TLN2: variants seen among roughly 807,000 people sequenced by gnomAD.
TLN2 encodes talin 2, also known as talin-2.
In TLN2, 118 loss-of-function variants were observed where a neutral mutation model predicts 294.7. The ratio of observed to expected loss-of-function variants is 0.40; its 90% confidence interval spans 0.34 to 0.47. TLN2 has a LOEUF of 0.47. Ranked by LOEUF, TLN2 falls within the 20% of genes least tolerant of loss-of-function variation. The pLI is 0.84. For synonymous variants in TLN2, 1,431 were observed against 1,304.5 expected, an observed-to-expected ratio of 1.10 and a Z score of -2.09; for missense variants, 3,083 against 3,282.2, an observed-to-expected ratio of 0.94 and a Z score of 1.48.
chr15:62,478,246 T>C (rs560516273), intron 1 of TLN2, among the ~76,000 whole-genome samples: 9 of 152,294 alleles, frequency 5.9e-5, no homozygotes, highest in African/African-American at 2.2e-4. Context: ...AGACCTCATG[T>C]GGAGTTCCTT....
chr15:62,503,395 C>G (rs1304681377), intron 1 of TLN2, among the ~76,000 whole-genome samples: 3 of 152,282 alleles, frequency 2.0e-5, no homozygotes, highest in African/African-American at 7.2e-5. Flanking sequence ...CTACCCTGAG[C>G]TCGAATCCTC....
chr15:62,580,542 C>T (rs912886643), intron 1 of TLN2, among the ~76,000 whole-genome samples: 21 of 152,164 alleles, frequency 1.4e-4, no homozygotes, highest in Non-Finnish European at 2.8e-4. Flanking sequence ...TCGCGAGTAG[C>T]CGGTACTATA....
In TLN2 at chr15:62,653,243, A is replaced by T; in HGVS notation, c.446A>T (p.Lys149Ile). 2 of 1,613,676 alleles carry T rather than the reference A, an allele frequency of 1.2e-6. No individual in the cohort carries two copies. Among genetic ancestry groups the T allele is most frequent in the Non-Finnish European group, 1.7e-6 (2 of 1,179,922 alleles). The change falls in exon 7 of 59, where the codon AAA becomes ATA. Residue 149 changes from lysine to isoleucine, a missense_variant. Physicochemically the swap from Lys to Ile is moderately radical, Grantham distance 102. Coordinates refer to ENST00000636159, the MANE Select transcript of TLN2 (RefSeq NM_015059.3). ...KKEEGTGTLK[K>I]DRTLLRDERK... is the part of the protein sequence containing the mutation. ...GAGGAAGGAACGGGCACACTCAAAA[A>T]AGACAGGACACTGTTACGAGATGAG...
At chr15:62,500,485 C>T (rs975692110) in intron 1 of TLN2, among the ~76,000 whole-genome samples, 1 of 152,194 alleles carries the variant, frequency 6.6e-6, no homozygotes, top group South Asian at 2.1e-4. Context: ...TACTGCAAAA[C>T]AAGAAGACAC....
At chr15:62,746,192 G>A (rs1390928065) in intron 32 of TLN2, among the ~76,000 whole-genome samples, 1 of 152,142 alleles carries the variant, frequency 6.6e-6, no homozygotes, top group Admixed American at 6.6e-5. Context: ...AACACAGAGA[G>A]AATTAAGCTA....
chr15:62,521,161 G>GATC (rs1483235291), intron 1 of TLN2, among the ~76,000 whole-genome samples: 2 of 152,024 alleles, frequency 1.3e-5, no homozygotes, highest in Non-Finnish European at 2.9e-5. Flanking sequence ...AGGGAAAGAG[G>GATC]ATCATAAGAA....
chr15:62,511,749 C>A (rs1201329985), intron 1 of TLN2, among the ~76,000 whole-genome samples: 1 of 152,192 alleles, frequency 6.6e-6, no homozygotes, highest in Non-Finnish European at 1.5e-5. Flanking sequence ...ATTGGTATAT[C>A]TAACTCAGGA....
In TLN2 at chr15:62,840,706, C is replaced by A. The variant is rs1427772208; in HGVS notation, c.*96C>A. ...GCTGGGCACTTAGCTGGAAACCGCC[C>A]ACCTCCCTCCCGGGTGAGCCTGGAG... On this transcript the variant is annotated 3_prime_UTR_variant, in exon 59 of 59. Transcript: ENST00000636159. 13 of 1,499,828 alleles carry A rather than the reference C, an allele frequency of 8.7e-6. No individual in the cohort carries two copies. In the African/African-American group the frequency reaches 1.4e-4, roughly 16 times the overall value. The allele number at this position is 1,499,828 out of a possible 1,614,324, so 92.9% of individuals were successfully genotyped here.
intron 1 of TLN2, among the ~76,000 whole-genome samples, chr15:62,579,082 A>C (rs375585936): frequency 4.9e-4 from 75 of 152,298 alleles, no homozygotes; most frequent in African/African-American, 1.7e-3. Context: ...TTGGGTTGAC[A>C]GGAGGAGGGA....
At chr15:62,610,029 A>G (rs577335903) in intron 2 of TLN2, among the ~76,000 whole-genome samples, 4 of 152,304 alleles carry the variant, frequency 2.6e-5, no homozygotes, top group Middle Eastern at 3.4e-3. Context: ...AATAAGACCT[A>G]CCAGACTCAT....
At chr15:62,693,799 T>C (rs923551564) in intron 13 of TLN2, among the ~76,000 whole-genome samples, 2 of 152,088 alleles carry the variant, frequency 1.3e-5, no homozygotes, top group African/African-American at 4.8e-5. Context: ...ATATATTAAA[T>C]CATATATTTC....
intron 1 of TLN2, among the ~76,000 whole-genome samples, chr15:62,444,063 T>C (rs1422870189): frequency 1.3e-5 from 2 of 152,198 alleles, no homozygotes; most frequent in Non-Finnish European, 2.9e-5. Context: ...CAAGAACCTT[T>C]ATTGAGCACC....
At chr15:62,520,539 A>G (rs2040403947) in intron 1 of TLN2, among the ~76,000 whole-genome samples, 1 of 152,196 alleles carries the variant, frequency 6.6e-6, no homozygotes, top group African/African-American at 2.4e-5. Flanking sequence ...AGGAATACAG[A>G]ATTGTGAATA....
At chr15:62,660,078 G>A (rs894097810) in intron 9 of TLN2, among the ~76,000 whole-genome samples, 9 of 152,220 alleles carry the variant, frequency 5.9e-5, no homozygotes, top group Admixed American at 2.0e-4. Context: ...ATAATGAGAA[G>A]GTTGGACTTG....
In TLN2 at chr15:62,702,946, AAACT is replaced by A. The variant is rs2058807065; in HGVS notation, c.2004+89_2004+92del. On this transcript the variant is annotated intron_variant, in intron 19 of 58. Transcript: ENST00000636159. The stretch of plus-strand genomic sequence containing the variant: ...CGAGCAGGCAGAATGTAATATTTGA[AAACT>A]AACTAAATCTTTGAGATAGTCAAGA... The A allele has an allele frequency of 3.2e-6, 4 of 1,257,388 alleles. 1 individual carries two copies. The highest frequency in any genetic ancestry group is 3.8e-4 in the Middle Eastern group (2 of 5,326). 77.9% of individuals were successfully genotyped at this position (1,257,388 alleles called of 1,614,324 possible).
chr15:62,651,908 CTGAT>C, intron 5 of TLN2, 93 bp from the exon 6 acceptor site: 1 of 1,374,934 alleles, frequency 7.3e-7, no homozygotes, highest in East Asian at 2.4e-5. Flanking sequence ...AGAGTCTACT[CTGAT>C]TTTTTTAAAA....
intron 1 of TLN2, among the ~76,000 whole-genome samples, chr15:62,432,020 A>G (rs1455694564): frequency 6.6e-6 from 1 of 152,170 alleles, no homozygotes; most frequent in African/African-American, 2.4e-5. Context: ...TAGCTCCTGA[A>G]TGCAGACAAC....
intron 2 of TLN2, among the ~76,000 whole-genome samples, chr15:62,601,072 T>C (rs2046962687): frequency 6.6e-6 from 1 of 152,240 alleles, no homozygotes; most frequent in Admixed American, 6.5e-5. Context: ...TCTCCATACC[T>C]TCTCTGACCC....
chr15:62,708,562 C>G lies in TLN2; in HGVS notation c.2233C>G (p.Leu745Val). 1 of 1,614,188 alleles carries G rather than the reference C, an allele frequency of 6.2e-7. No homozygotes were observed. Among genetic ancestry groups the G allele is most frequent in the Non-Finnish European group, 8.5e-7 (1 of 1,180,028 alleles). The change falls in exon 21 of 59, where the codon CTG (leucine) becomes GTG (valine). Residue 745 changes from leucine to valine, a missense_variant. Physicochemically the swap from Leu to Val is conservative, Grantham distance 32 (BLOSUM62 1). Transcript: ENST00000636159. Reference sequence around the variant, plus strand: ...GGAGCAGCTGATTGAAGCAGGGAAGCTGGTGGACCGCTCGGTGGAGAACTG... The same window carrying G: ...GGAGCAGCTGATTGAAGCAGGGAAGGTGGTGGACCGCTCGGTGGAGAACTG... The part of the protein sequence containing the change: ...CQEQLIEAGK[L>V]VDRSVENCVR...
Sources: allele counts gnomAD v4.1 joint callset (sites outside exome capture counted in the v4.1 genomes callset), GRCh38; gene constraint gnomAD v4.1.1; transcripts MANE v1.5; gene names NCBI Gene and HGNC (gene_info 2026-07-23, HGNC 2026-07-21).